The following KDM4B variants were observed in gnomAD, a reference collection of about 807,000 sequenced individuals.
KDM4B encodes the protein lysine demethylase 4B, also known as lysine-specific demethylase 4B.
Under a neutral mutation model 125.2 loss-of-function variants are expected in KDM4B, and 32 were observed. The observed-to-expected ratio is 0.26, with a 90% CI of 0.19 to 0.34. KDM4B has a LOEUF of 0.34. Among genes scored for constraint, KDM4B ranks in the 10% least tolerant of loss-of-function variants. KDM4B has a pLI of 1.00. For missense variants in KDM4B, 1,190 were observed against 1,577.7 expected (o/e 0.75, Z 4.16); for synonymous variants, 721 against 677.9 (o/e 1.06, Z -0.99).
At position 5,114,753 on chromosome 19, in the gene KDM4B, C is replaced by T. The variant is rs951421073; in HGVS notation, c.1115+3935C>T. On this transcript the variant is annotated intron_variant, in intron 10 of 22. Coordinates refer to ENST00000159111, the MANE Select transcript of KDM4B (RefSeq NM_015015.3). This position sits in a 1 kb window ranked among gnomAD's most constrained non-coding sequence, Gnocchi z 5.8. The stretch of plus-strand genomic sequence containing the variant: ...CCTTGTGAGAAGCCCTGAGCCAGCG[C>T]GGCACTGAATGCTGATGGTCCCACT... 2.6e-5 allele frequency among the ~76,000 whole-genome samples: 4 copies of T among 152,224 alleles called. No individual in the cohort carries two copies. The highest frequency in any genetic ancestry group is 4.8e-5 in the African/African-American group (2 of 41,456).
At chr19:5,059,508 G>A (rs762674737) in intron 6 of KDM4B, among the ~76,000 whole-genome samples, 8 of 152,244 alleles carry the variant, frequency 5.3e-5, no homozygotes, top group South Asian at 2.1e-4. Context: ...GGTCCCCGAG[G>A]CCCAGGGAGG....
At chr19:5,049,862 GC>G (rs912644047) in intron 6 of KDM4B, among the ~76,000 whole-genome samples, 1 of 152,178 alleles carries the variant, frequency 6.6e-6, no homozygotes, top group Non-Finnish European at 1.5e-5. Flanking sequence ...CTCACTGTGT[GC>G]TGTGGGAGCT....
intron 2 of KDM4B, among the ~76,000 whole-genome samples, chr19:5,023,871 C>T (rs2036200052): frequency 6.7e-6 from 1 of 148,698 alleles, no homozygotes. Flanking sequence ...TCAAGGAATC[C>T]TCCTGCCTCA....
intron 6 of KDM4B, among the ~76,000 whole-genome samples, chr19:5,051,511 C>A (rs893126934): frequency 2.0e-5 from 3 of 152,236 alleles, no homozygotes; most frequent in African/African-American, 7.2e-5. Flanking sequence ...CAGCATGTTC[C>A]TGGGGCTGCA....
intron 18 of KDM4B, among the ~76,000 whole-genome samples, chr19:5,139,536 G>T (rs1035671024): frequency 6.6e-6 from 1 of 152,214 alleles, no homozygotes; most frequent in African/African-American, 2.4e-5. Flanking sequence ...ACTCCCATCC[G>T]CACCCCCCGG....
chr19:5,101,448 A>C (rs2038931703), intron 9 of KDM4B, among the ~76,000 whole-genome samples: 1 of 151,732 alleles, frequency 6.6e-6, no homozygotes, highest in Non-Finnish European at 1.5e-5. Flanking sequence ...GCTTGAGCCC[A>C]GGACTTCGGG....
At chr19:5,002,278 T>C (rs931145252) in intron 1 of KDM4B, among the ~76,000 whole-genome samples, 4 of 152,180 alleles carry the variant, frequency 2.6e-5, no homozygotes, top group South Asian at 4.2e-4. Context: ...GATTATAGGC[T>C]TGAGTCACCT....
chr19:5,031,372 A>C lies in KDM4B; in HGVS notation c.-25-1494A>C, dbSNP rs373673076. Reference sequence around the variant, plus strand: ...CACACACTGTGACCGTCTAGTCTACATTTCTAGGCTGCACGTGGTCACGTG... The same window carrying C: ...CACACACTGTGACCGTCTAGTCTACCTTTCTAGGCTGCACGTGGTCACGTG... On this transcript the variant is annotated intron_variant, in intron 2 of 22. Transcript: ENST00000159111. 2.4e-3 allele frequency among the ~76,000 whole-genome samples: 361 copies of C among 152,318 alleles called. 1 individual carries two copies. The highest frequency in any genetic ancestry group is 4.5e-3 in the Non-Finnish European group (303 of 68,018).
intron 6 of KDM4B, among the ~76,000 whole-genome samples, chr19:5,050,066 G>A (rs1032556721): frequency 1.3e-5 from 2 of 152,222 alleles, no homozygotes; most frequent in African/African-American, 2.4e-5. Context: ...CCAAGGCTGC[G>A]CCCCGTCTGT....
At chr19:5,120,440 C>T (rs749319537) in intron 11 of KDM4B, among the ~76,000 whole-genome samples, 2 of 152,238 alleles carry the variant, frequency 1.3e-5, no homozygotes, top group Non-Finnish European at 2.9e-5. Context: ...AGCTGGGGCC[C>T]CCGTCAGCAG....
At chr19:5,010,126 C>T (rs1002173211) in intron 1 of KDM4B, among the ~76,000 whole-genome samples, 5 of 152,238 alleles carry the variant, frequency 3.3e-5, no homozygotes, top group African/African-American at 1.2e-4. Flanking sequence ...ACCATTTAGT[C>T]TCATAGGCTC....
At chr19:5,106,199 G>A (rs2039030310) in intron 9 of KDM4B, among the ~76,000 whole-genome samples, 1 of 152,192 alleles carries the variant, frequency 6.6e-6, no homozygotes, top group African/African-American at 2.4e-5. Context: ...CCTGTTGTGT[G>A]TCGTTTATTT....
intron 5 of KDM4B, among the ~76,000 whole-genome samples, chr19:5,042,781 T>C (rs551025232): frequency 1.1e-4 from 16 of 151,472 alleles, no homozygotes; most frequent in Admixed American, 7.3e-4. Flanking sequence ...TCAGGAGACA[T>C]GAGCAATCCA....
chr19:4,975,538 G>A (rs976733688), intron 1 of KDM4B, among the ~76,000 whole-genome samples: 85 of 151,970 alleles, frequency 5.6e-4, no homozygotes, highest in African/African-American at 1.9e-3. Flanking sequence ...TAGAATGTAC[G>A]GCAGCTCCTT....
At chr19:5,119,443 T>C (rs769872201) in intron 10 of KDM4B, among the ~76,000 whole-genome samples, 1 of 152,160 alleles carries the variant, frequency 6.6e-6, no homozygotes, top group African/African-American at 2.4e-5. Context: ...CGTCTCCCTT[T>C]GGTCTCTCCT....
intron 21 of KDM4B, among the ~76,000 whole-genome samples, chr19:5,149,716 TAAC>T (rs1406591003): frequency 6.6e-6 from 1 of 152,154 alleles, no homozygotes; most frequent in Non-Finnish European, 1.5e-5. Flanking sequence ...GCACCAAGCT[TAAC>T]GAGGAGGAAG....
Position 5,053,325 on chromosome 19 carries a change from G to A in KDM4B, c.626+5656G>A, listed in dbSNP as rs561550315. The stretch of plus-strand genomic sequence containing the variant: ...CCCACCAGACTGATGGGGGCAGCCC[G>A]ATGCGTGCCTCGCTCCCAGGCAGGG... On this transcript the variant is annotated intron_variant, in intron 6 of 22. Transcript: ENST00000159111. Among the ~76,000 whole-genome samples the A allele has an allele frequency of 2.2e-4, 34 of 152,340 alleles. No homozygotes were observed. The East Asian group carries it at 5.0e-3, about 23-fold the overall frequency.
At position 5,114,566 on chromosome 19, in the gene KDM4B, T is replaced by G. The variant is rs1407071354; in HGVS notation, c.1115+3748T>G. On this transcript the variant is annotated intron_variant, in intron 10 of 22. Transcript: ENST00000159111. This position sits in a 1 kb window ranked among gnomAD's most constrained non-coding sequence, Gnocchi z 5.8. ...GAGTGCGCAGCCTCAGGGACTCACT[T>G]GCTGTCTCCTGTCTCTTTCCTAGAG... 3 of 341,290 alleles carry G rather than the reference T, an allele frequency of 8.8e-6. No individual in the cohort carries two copies. Among genetic ancestry groups the G allele is most frequent in the African/African-American group, 2.2e-5 (1 of 46,374 alleles). The allele number at this position is 341,290 out of a possible 1,614,324, so 21.1% of individuals were successfully genotyped here.
chr19:5,102,257 T>C (rs1008596648), intron 9 of KDM4B, among the ~76,000 whole-genome samples: 2 of 152,232 alleles, frequency 1.3e-5, no homozygotes, highest in Non-Finnish European at 2.9e-5. Flanking sequence ...AAAGGCACTT[T>C]CTCGTGGCTT....
Sources: allele counts gnomAD v4.1 joint callset (sites outside exome capture counted in the v4.1 genomes callset), GRCh38; gene constraint gnomAD v4.1.1; non-coding constraint Gnocchi (gnomAD v3.1); transcripts MANE v1.5; gene names NCBI Gene and HGNC (gene_info 2026-07-23, HGNC 2026-07-21).